The following LIPC variants were observed in gnomAD, a reference collection of about 807,000 sequenced individuals.
LIPC encodes hepatic triacylglycerol lipase.
A neutral mutation model predicts 50.7 loss-of-function variants in LIPC; 44 were observed. The observed-to-expected ratio is 0.87, with a 90% CI of 0.68 to 1.11. The LOEUF (loss-of-function observed/expected upper bound fraction) is 1.11, where lower values mean the gene tolerates loss of function less well. Among genes scored for constraint, LIPC ranks in the 50% most tolerant of loss-of-function variants. The pLI is 0.00. For synonymous variants in LIPC, 271 were observed against 256.4 expected, an observed-to-expected ratio of 1.06 and a Z score of -0.54; for missense variants, 697 against 648.2, an observed-to-expected ratio of 1.08 and a Z score of -0.82.
At chr15:58,516,776 G>A (rs1347299183) in intron 1 of LIPC, among the ~76,000 whole-genome samples, 1 of 152,118 alleles carries the variant, frequency 6.6e-6, no homozygotes, top group African/African-American at 2.4e-5. Flanking sequence ...TAATGTTCTT[G>A]TGGACTAATT....
At chr15:58,436,445 A>T (rs1421689547) in intron 1 of LIPC, 1 of 244,012 alleles carries the variant, frequency 4.1e-6, no homozygotes, top group African/African-American at 2.3e-5. Context: ...TCATACGAAA[A>T]ATATTTTTAC....
intron 1 of LIPC, among the ~76,000 whole-genome samples, chr15:58,475,476 C>G (rs112347901): frequency 6.6e-6 from 1 of 152,202 alleles, no homozygotes; most frequent in Non-Finnish European, 1.5e-5. Flanking sequence ...AACACACTCC[C>G]GTTCTTTCAA....
intron 1 of LIPC, among the ~76,000 whole-genome samples, chr15:58,450,559 G>A (rs765290764): frequency 6.6e-6 from 1 of 152,200 alleles, no homozygotes; most frequent in Admixed American, 6.5e-5. Flanking sequence ...AAATCTTTTT[G>A]TAGGAAATCG....
At chr15:58,503,859 G>A (rs956560119) in intron 1 of LIPC, among the ~76,000 whole-genome samples, 1 of 151,982 alleles carries the variant, frequency 6.6e-6, no homozygotes, top group Non-Finnish European at 1.5e-5. Context: ...CCAGGCACAG[G>A]GCCCACACCA....
At chr15:58,438,930 G>C (rs1214807606) in intron 1 of LIPC, among the ~76,000 whole-genome samples, 2 of 152,200 alleles carry the variant, frequency 1.3e-5, no homozygotes, top group African/African-American at 2.4e-5. Flanking sequence ...GGGGAGGCAT[G>C]GGGAAAAAGT....
chr15:58,509,216 G>T (rs4775061), intron 1 of LIPC, among the ~76,000 whole-genome samples: 103,776 of 151,996 alleles, frequency 0.68, 36,253 homozygotes, highest in Middle Eastern at 0.78. Flanking sequence ...ATCCATCAAT[G>T]TCACCAGCTT....
chr15:58,566,096 T>C lies in LIPC; in HGVS notation c.1388+2373T>C, dbSNP rs1159018620. On this transcript the variant is annotated intron_variant, in intron 8 of 8. Coordinates refer to ENST00000299022, the MANE Select transcript of LIPC (RefSeq NM_000236.3). ...AATGCAGGTTCTGCTTTAGTGAGTCTGGGGTGAGCCTGATGTTCTGCATTT... is the reference window on the plus strand; with the variant it reads ...AATGCAGGTTCTGCTTTAGTGAGTCCGGGGTGAGCCTGATGTTCTGCATTT... 3 of 974,488 alleles carry C rather than the reference T, an allele frequency of 3.1e-6. No individual in the cohort carries two copies. The Admixed American group carries it at 1.8e-4, about 60-fold the overall frequency. 60.4% of individuals were successfully genotyped at this position (974,488 alleles called of 1,614,324 possible). A position where few individuals can be genotyped will look rare whatever the true frequency, so the allele number is the denominator to read the frequency against.
In LIPC at chr15:58,487,276, T is replaced by C. The variant is rs184033137; in HGVS notation, c.89-51057T>C. Among the ~76,000 whole-genome samples the C allele has an allele frequency of 4.0e-3, 613 of 152,306 alleles. 2 individuals carry two copies. The highest frequency in any genetic ancestry group is 5.7e-3 in the Non-Finnish European group (389 of 68,014). On this transcript the variant is annotated intron_variant, in intron 1 of 8. Transcript: ENST00000299022. ...AGCTAATGACTTAACCTTGTAGAGC[T>C]TCCATTCTCATGGGCAAATGAAGGA...
intron 1 of LIPC, among the ~76,000 whole-genome samples, chr15:58,496,679 A>AT (rs1164059332): frequency 6.6e-6 from 1 of 151,578 alleles, no homozygotes; most frequent in Non-Finnish European, 1.5e-5. Flanking sequence ...CGTTAGCACA[A>AT]TTTAGACGAA....
At chr15:58,550,812 CTTT>C (rs1486035137) in intron 6 of LIPC, among the ~76,000 whole-genome samples, 7 of 144,524 alleles carry the variant, frequency 4.8e-5, no homozygotes, top group African/African-American at 1.8e-4. Flanking sequence ...ACACCCTCTC[CTTT>C]TCTTTCTTAC....
chr15:58,462,011 A>T (rs1201566614), intron 1 of LIPC, among the ~76,000 whole-genome samples: 3 of 141,706 alleles, frequency 2.1e-5, no homozygotes, highest in African/African-American at 8.1e-5. Flanking sequence ...CCTCAGTCCC[A>T]CCCATCACAC....
intron 1 of LIPC, among the ~76,000 whole-genome samples, chr15:58,524,735 G>A (rs1892752115): frequency 6.6e-6 from 1 of 152,136 alleles, no homozygotes; most frequent in South Asian, 2.1e-4. Context: ...CATGTCCTTG[G>A]TTGGCCCATT....
intron 1 of LIPC, among the ~76,000 whole-genome samples, chr15:58,470,222 G>A (rs1326407135): frequency 2.6e-5 from 4 of 152,166 alleles, no homozygotes; most frequent in East Asian, 3.9e-4. Context: ...ATGAGTCACC[G>A]CACCCAGCTG....
intron 1 of LIPC, among the ~76,000 whole-genome samples, chr15:58,502,444 T>A (rs1209760870): frequency 1.3e-5 from 2 of 151,872 alleles, no homozygotes; most frequent in Non-Finnish European, 2.9e-5. Flanking sequence ...TGGTGTCGCA[T>A]CCCTACTTAG....
At chr15:58,528,717 T>A (rs1488605487) in intron 1 of LIPC, among the ~76,000 whole-genome samples, 1 of 152,218 alleles carries the variant, frequency 6.6e-6, no homozygotes, top group African/African-American at 2.4e-5. Flanking sequence ...CAAGCCACGC[T>A]CAGGGCATGG....
chr15:58,532,967 T>C lies in LIPC; in HGVS notation c.89-5366T>C, dbSNP rs111460623. Among the ~76,000 whole-genome samples, 548 of 152,342 alleles carry C rather than the reference T, an allele frequency of 3.6e-3. 2 individuals are homozygous for C. Among genetic ancestry groups the C allele is most frequent in the African/African-American group, 0.013 (543 of 41,566 alleles). ...TCCTTCTAACTAATTTTAAGGATTG[T>C]TTTGCTGCTCTAGGAACTTACTGTC... On this transcript the variant is annotated intron_variant, in intron 1 of 8. Coordinates refer to ENST00000299022, the MANE Select transcript of LIPC (RefSeq NM_000236.3).
chr15:58,550,696 G>A (rs993963704), intron 6 of LIPC, among the ~76,000 whole-genome samples: 24 of 152,048 alleles, frequency 1.6e-4, no homozygotes, highest in African/African-American at 5.8e-4. Context: ...CTTGCTCCTG[G>A]GACATCTAGT....
chr15:58,487,327 A>G (rs1891413678), intron 1 of LIPC, among the ~76,000 whole-genome samples: 2 of 152,336 alleles, frequency 1.3e-5, no homozygotes, highest in Admixed American at 6.5e-5. Context: ...ATGGGCTCAC[A>G]GTGAGGATTA....
chr15:58,540,679 T>A (rs998123389), intron 2 of LIPC, among the ~76,000 whole-genome samples: 11 of 152,120 alleles, frequency 7.2e-5, no homozygotes, highest in African/African-American at 2.7e-4. Flanking sequence ...ACTTTCCTCC[T>A]CTCCCCTGAC....
Sources: gnomAD v4.1 joint callset for allele counts (sites outside exome capture counted in the v4.1 genomes callset) on GRCh38, gnomAD v4.1.1 for gene constraint, MANE v1.5 for transcripts, NCBI Gene and HGNC (gene_info 2026-07-23, HGNC 2026-07-21) for gene names.